ASIC2: variants seen among roughly 807,000 people sequenced by gnomAD.
ASIC2 encodes acid sensing ion channel subunit 2.
A neutral mutation model predicts 57.3 loss-of-function variants in ASIC2; 25 were observed. The observed-to-expected ratio is 0.44, with a 90% CI of 0.32 to 0.61. ASIC2 has a LOEUF of 0.61. ASIC2 is among the 20% of genes least tolerant of loss of function. The probability of loss-of-function intolerance (pLI) is 0.06; values close to 1 mark genes in which losing one functional copy is unlikely to be tolerated. For missense variants in ASIC2, 641 were observed against 738.1 expected, an observed-to-expected ratio of 0.87 and a Z score of 1.52; for synonymous variants, 319 against 307.5, an observed-to-expected ratio of 1.04 and a Z score of -0.39.
intron 1 of ASIC2, among the ~76,000 whole-genome samples, chr17:33,264,191 C>T (rs1597656816): frequency 1.3e-5 from 2 of 152,248 alleles, no homozygotes; most frequent in East Asian, 1.9e-4. Flanking sequence ...CGTGATGTCA[C>T]TACCACACAC....
intron 1 of ASIC2, among the ~76,000 whole-genome samples, chr17:33,491,213 T>C (rs1416731962): frequency 6.6e-6 from 1 of 152,220 alleles, no homozygotes; most frequent in Non-Finnish European, 1.5e-5. Context: ...ATAGATCTTT[T>C]AGTGTACAAC....
chr17:33,458,289 G>T (rs1053877732), intron 1 of ASIC2, among the ~76,000 whole-genome samples: 1 of 152,236 alleles, frequency 6.6e-6, no homozygotes, highest in Non-Finnish European at 1.5e-5. Context: ...GTAGATTGAG[G>T]ATCATTGGAG....
intron 1 of ASIC2, among the ~76,000 whole-genome samples, chr17:33,895,044 A>T (rs1915060020): frequency 6.6e-6 from 1 of 152,138 alleles, no homozygotes. Flanking sequence ...TTGTACATTC[A>T]AGTTCTGCCT....
intron 1 of ASIC2, chr17:33,932,718 A>G (rs1195314464): frequency 2.2e-3 from 83 of 38,484 alleles, no homozygotes; most frequent in Non-Finnish European, 3.2e-3. Flanking sequence ...TGTTTCAAAA[A>G]AAAAAAAAAA....
At chr17:33,740,261 T>C (rs1910068449) in intron 1 of ASIC2, among the ~76,000 whole-genome samples, 1 of 152,236 alleles carries the variant, frequency 6.6e-6, no homozygotes, top group African/African-American at 2.4e-5. Context: ...TATTAGTGCG[T>C]TCTCACACTG....
At chr17:34,017,694 T>C (rs774183895) in intron 1 of ASIC2, among the ~76,000 whole-genome samples, 52 of 152,188 alleles carry the variant, frequency 3.4e-4, no homozygotes, top group Non-Finnish European at 5.1e-4. Context: ...AAAGTTTTGG[T>C]GGTCTGGATA....
chr17:33,514,479 A>G (rs1250574569), intron 1 of ASIC2, among the ~76,000 whole-genome samples: 3 of 152,150 alleles, frequency 2.0e-5, no homozygotes, highest in African/African-American at 7.2e-5. Flanking sequence ...GAACAGGCCA[A>G]AGGGGAGGGG....
intron 1 of ASIC2, among the ~76,000 whole-genome samples, chr17:33,938,564 A>G (rs548983006): frequency 6.6e-6 from 1 of 152,288 alleles, no homozygotes; most frequent in Non-Finnish European, 1.5e-5. Context: ...CATCCTCACA[A>G]CTTCCTCCAG....
rs554335468 is a variant in ASIC2 at position 33,157,479 on chromosome 17, T to C, written c.709-45412A>G. 9.6e-4 allele frequency among the ~76,000 whole-genome samples: 146 copies of C among 152,296 alleles called. 7 individuals are homozygous for C. In the South Asian group the frequency reaches 0.029, roughly 31 times the overall value. The stretch of plus-strand genomic sequence containing the variant: ...TCCAAAACTCTTCATCTGCCTCCTG[T>C]ACATGTGGCCTTCCTTACATCAGTA... On this transcript the variant is annotated intron_variant, in intron 1 of 9. Coordinates refer to ENST00000225823, the MANE Select transcript of ASIC2 (RefSeq NM_183377.2).
intron 1 of ASIC2, among the ~76,000 whole-genome samples, chr17:34,075,377 A>G (rs903292395): frequency 6.6e-6 from 1 of 152,224 alleles, no homozygotes; most frequent in Admixed American, 6.5e-5. Context: ...TGGATAAGTC[A>G]CTGGCCCTTT....
chr17:34,061,864 C>G lies in ASIC2; in HGVS notation c.555+94114G>C, dbSNP rs142440524. Among the ~76,000 whole-genome samples, 1,049 of 152,198 alleles carry G rather than the reference C, an allele frequency of 6.9e-3. 18 individuals carry two copies. The highest frequency in any genetic ancestry group is 0.024 in the African/African-American group (981 of 41,556). ...TACACGCATCTAACACTGAAGCTCCCAAATTTATAAAACAATTACAACTAG... is the reference window on the plus strand; with the variant it reads ...TACACGCATCTAACACTGAAGCTCCGAAATTTATAAAACAATTACAACTAG... On this transcript the variant is annotated intron_variant, in intron 1 of 9. Transcript: ENST00000359872.
At chr17:33,501,761 C>T (rs1377494604) in intron 1 of ASIC2, among the ~76,000 whole-genome samples, 1 of 152,192 alleles carries the variant, frequency 6.6e-6, no homozygotes, top group Admixed American at 6.5e-5. Context: ...AGGTAACTTG[C>T]CCTTCCTTTT....
At chr17:33,111,833 G>T (rs1446566606) in intron 2 of ASIC2, 84 bp downstream of exon 2, 4 of 1,522,758 alleles carry the variant, frequency 2.6e-6, no homozygotes, top group Non-Finnish European at 3.5e-6. Flanking sequence ...TCACAGGGTG[G>T]GCCAAGACAG....
intron 1 of ASIC2, among the ~76,000 whole-genome samples, chr17:33,643,597 G>A (rs1906649938): frequency 6.6e-6 from 1 of 152,178 alleles, no homozygotes; most frequent in Non-Finnish European, 1.5e-5. Context: ...ATGATTAGGA[G>A]AGTCGAAAAG....
chr17:33,505,245 A>T (rs1157438440), intron 1 of ASIC2, among the ~76,000 whole-genome samples: 1 of 152,044 alleles, frequency 6.6e-6, no homozygotes, highest in Non-Finnish European at 1.5e-5. Context: ...AGTGAGACCC[A>T]ATCAGTGACT....
chr17:33,399,739 C>A (rs181568841), intron 1 of ASIC2, among the ~76,000 whole-genome samples: 40 of 152,270 alleles, frequency 2.6e-4, no homozygotes, highest in African/African-American at 8.7e-4. Context: ...AAGCCACAGG[C>A]AGAAAGCCTT....
chr17:33,989,706 GT>G (rs1264716565), intron 1 of ASIC2, among the ~76,000 whole-genome samples: 2 of 152,084 alleles, frequency 1.3e-5, no homozygotes, highest in Middle Eastern at 3.4e-3. Flanking sequence ...TGACACTGTT[GT>G]TTTTTTTCTC....
chr17:33,371,758 G>A (rs1456900187), intron 1 of ASIC2, among the ~76,000 whole-genome samples: 3 of 152,100 alleles, frequency 2.0e-5, no homozygotes, highest in African/African-American at 4.8e-5. Context: ...AAAGCAGTGT[G>A]TGCTTCCTCT....
At chr17:34,041,386 T>G (rs1908126756) in intron 1 of ASIC2, 1 of 152,222 alleles carries the variant, frequency 6.6e-6, no homozygotes, top group South Asian at 2.1e-4. Flanking sequence ...TGCACTTCTA[T>G]TCAATCACTC....
Sources: allele counts gnomAD v4.1 joint callset (sites outside exome capture counted in the v4.1 genomes callset), GRCh38; gene constraint gnomAD v4.1.1; transcripts MANE v1.5; gene names NCBI Gene and HGNC (gene_info 2026-07-23, HGNC 2026-07-21).